AKT3: variants seen among roughly 807,000 people sequenced by gnomAD.
AKT3 encodes AKT serine/threonine kinase 3, also known as RAC-gamma serine/threonine-protein kinase.
AKT3 carries 15 observed loss-of-function variants against 65.3 expected under a neutral mutation model. That is an observed-to-expected ratio of 0.23 (90% CI 0.15 to 0.35). AKT3 has a LOEUF of 0.35. AKT3 is among the 10% of genes least tolerant of loss of function. The pLI is 1.00. For missense variants in AKT3, 243 were observed against 576.5 expected (o/e 0.42, Z 5.92); for synonymous variants, 206 against 183.8 (o/e 1.12, Z -0.98).
At chr1:243,767,159 T>G (rs1246757611) in intron 2 of AKT3, among the ~76,000 whole-genome samples, 1 of 152,138 alleles carries the variant, frequency 6.6e-6, no homozygotes, top group African/African-American at 2.4e-5. Flanking sequence ...ATAGTCACAT[T>G]ATGTAGGTAT....
In AKT3 at chr1:243,680,915, T is replaced by A. The variant is rs1255602997; in HGVS notation, c.172+14676A>T. Among the ~76,000 whole-genome samples, 41 of 152,112 alleles carry A rather than the reference T, an allele frequency of 2.7e-4. 1 individual carries two copies. The highest frequency in any genetic ancestry group is 1.8e-3 in the Admixed American group (27 of 15,262). ...CATGTATTAGTCAAGAATGACAAGATCTGATCCATGATACAGACAGACAGA... is the reference window on the plus strand; with the variant it reads ...CATGTATTAGTCAAGAATGACAAGAACTGATCCATGATACAGACAGACAGA... On this transcript the variant is annotated intron_variant, in intron 3 of 13. Transcript: ENST00000673466.
chr1:243,653,946 CTGTT>C (rs938395620), intron 4 of AKT3, among the ~76,000 whole-genome samples: 4 of 151,822 alleles, frequency 2.6e-5, no homozygotes, highest in Non-Finnish European at 5.9e-5. Flanking sequence ...CCTTTCCTGC[CTGTT>C]TTTTAAATTA....
intron 1 of AKT3, among the ~76,000 whole-genome samples, chr1:243,848,679 T>A (rs1002479000): frequency 2.6e-5 from 4 of 152,242 alleles, no homozygotes; most frequent in Non-Finnish European, 4.4e-5. Flanking sequence ...AACACATGTC[T>A]AAACTGTTGA....
chr1:243,669,748 TA>T (rs1221486545), intron 3 of AKT3, among the ~76,000 whole-genome samples: 2 of 152,090 alleles, frequency 1.3e-5, no homozygotes, highest in Non-Finnish European at 2.9e-5. Flanking sequence ...ATAAGGCTGC[TA>T]AAAACAATAA....
At chr1:243,598,052 T>G (rs1676746929) in intron 8 of AKT3, among the ~76,000 whole-genome samples, 1 of 152,368 alleles carries the variant, frequency 6.6e-6, no homozygotes, top group African/African-American at 2.4e-5. Context: ...TTTAATGCTC[T>G]ATTTTTTTCT....
intron 9 of AKT3, 65 bp from the exon 10 acceptor site, chr1:243,563,913 A>T: frequency 2.0e-6 from 3 of 1,480,790 alleles, no homozygotes; most frequent in Non-Finnish European, 2.7e-6. Flanking sequence ...ATACCATTTT[A>T]AAAAACTACT....
At chr1:243,797,011 TCA>T (rs1467886757) in intron 2 of AKT3, among the ~76,000 whole-genome samples, 2 of 152,162 alleles carry the variant, frequency 1.3e-5, no homozygotes, top group African/African-American at 2.4e-5. Flanking sequence ...CTGCAGAGTT[TCA>T]GTTTCACAAC....
At chr1:243,803,644 GT>G (rs1558825846) in intron 2 of AKT3, among the ~76,000 whole-genome samples, 23 of 87,924 alleles carry the variant, frequency 2.6e-4, no homozygotes, top group African/African-American at 9.7e-4. Context: ...AGACGTACAT[GT>G]ACACACACAC....
chr1:243,497,576 T>A (rs911811602), downstream of AKT3, among the ~76,000 whole-genome samples: 1 of 150,158 alleles, frequency 6.7e-6, no homozygotes, highest in Non-Finnish European at 1.5e-5. Context: ...ACAGCTCCGA[T>A]AGTGATAAAT....
chr1:243,694,411 A>G (rs1014104166), intron 3 of AKT3, among the ~76,000 whole-genome samples: 1 of 152,138 alleles, frequency 6.6e-6, no homozygotes, highest in Non-Finnish European at 1.5e-5. Context: ...AACCATTATT[A>G]TCTAATGAGC....
At chr1:243,690,369 A>G (rs1000207606) in intron 3 of AKT3, among the ~76,000 whole-genome samples, 1 of 152,246 alleles carries the variant, frequency 6.6e-6, no homozygotes, top group African/African-American at 2.4e-5. Flanking sequence ...AAAGTAAAAT[A>G]AAATGCAGCC....
At chr1:243,512,564 T>C in intron 12 of AKT3, 138 bp from the exon 13 acceptor site, 1 of 591,426 alleles carries the variant, frequency 1.7e-6, no homozygotes, top group Non-Finnish European at 2.9e-6. Flanking sequence ...AAGGGAGACA[T>C]GATATTTGGC....
chr1:243,684,131 G>A (rs958287722), intron 3 of AKT3, among the ~76,000 whole-genome samples: 2 of 151,684 alleles, frequency 1.3e-5, no homozygotes, highest in African/African-American at 4.8e-5. Context: ...TATGTTAATT[G>A]AATACTTTTT....
At position 243,646,002 on chromosome 1, in the gene AKT3, T is replaced by G; in HGVS notation, c.320A>C (p.Asp107Ala). 6.2e-7 allele frequency: 1 copy of G among 1,613,132 alleles called. No homozygotes were observed. The highest frequency in any genetic ancestry group is 8.5e-7 in the Non-Finnish European group (1 of 1,179,466). ...EWTEAIQAVA[D>A]RLQRQEEERM... Reference sequence around the variant, plus strand: ...CTCCTCTTCTTGCCTCTGCAGTCTGTCTGCTACAGCCTGGATAGCTTCTGT... The same window carrying G: ...CTCCTCTTCTTGCCTCTGCAGTCTGGCTGCTACAGCCTGGATAGCTTCTGT... The change falls in exon 5 of 14, where the codon GAC becomes GCC. Residue 107 changes from aspartate (D) to alanine (A), a missense_variant. Asp to Ala is a moderately radical substitution (Grantham distance 126). This residue lies in a region of AKT3 where 72 missense variants were observed against 86.0 expected (regional missense o/e 0.84). Coordinates refer to ENST00000673466, the MANE Select transcript of AKT3 (RefSeq NM_005465.7).
At chr1:243,596,031 A>G (rs1437075926) in intron 8 of AKT3, among the ~76,000 whole-genome samples, 2 of 152,242 alleles carry the variant, frequency 1.3e-5, no homozygotes, top group African/African-American at 4.8e-5. Flanking sequence ...GCACTGCAGT[A>G]TGACTTACAA....
intron 6 of AKT3, among the ~76,000 whole-genome samples, chr1:243,628,183 C>A (rs1397923833): frequency 6.6e-6 from 1 of 152,188 alleles, no homozygotes; most frequent in East Asian, 1.9e-4. Context: ...CCTAAAATAT[C>A]CATGTCTTGG....
chr1:243,556,195 A>C (rs1374392549), intron 10 of AKT3, among the ~76,000 whole-genome samples: 2 of 152,126 alleles, frequency 1.3e-5, no homozygotes, highest in Non-Finnish European at 2.9e-5. Context: ...ATTAACATTA[A>C]ATATCCTGGA....
chr1:243,553,175 C>T (rs1163461865), intron 10 of AKT3, among the ~76,000 whole-genome samples: 6 of 147,900 alleles, frequency 4.1e-5, no homozygotes, highest in Middle Eastern at 3.4e-3. Flanking sequence ...AGGGGCAGGT[C>T]GTACAAAAAA....
At chr1:243,678,304 G>GCAACAACAA (rs1042113074) in intron 3 of AKT3, among the ~76,000 whole-genome samples, 3 of 151,910 alleles carry the variant, frequency 2.0e-5, no homozygotes, top group African/African-American at 7.3e-5. Context: ...ATTTACTACA[G>GCAACAACAA]CAACAACAAC....
Sources: gnomAD v4.1 joint callset for allele counts (sites outside exome capture counted in the v4.1 genomes callset) on GRCh38, gnomAD v4.1.1 for gene constraint, gnomAD v4.1.1 regional missense constraint, MANE v1.5 for transcripts, NCBI Gene and HGNC (gene_info 2026-07-23, HGNC 2026-07-21) for gene names.